The following PARP15 variants were observed in gnomAD, a reference collection of about 807,000 sequenced individuals.
The protein encoded by PARP15 is protein mono-ADP-ribosyltransferase PARP15.
In PARP15, 50 loss-of-function variants were observed where a neutral mutation model predicts 62.1. The observed-to-expected ratio is 0.81, with a 90% confidence interval of 0.64 to 1.02. The LOEUF (loss-of-function observed/expected upper bound fraction) is 1.02. Among genes scored for constraint, PARP15 ranks in the 50% least tolerant of loss-of-function variants. The probability of loss-of-function intolerance (pLI) is 0.00; values close to 1 mark genes in which losing one functional copy is unlikely to be tolerated. For synonymous variants in PARP15, 309 were observed against 293.1 expected (o/e 1.05, Z -0.55); for missense variants, 820 against 826.5 (o/e 0.99, Z 0.10).
intron 1 of PARP15, among the ~76,000 whole-genome samples, chr3:122,596,178 G>A (rs1224838254): frequency 6.6e-6 from 1 of 151,720 alleles, no homozygotes; most frequent in Admixed American, 6.6e-5. Flanking sequence ...CCAACATGGT[G>A]AAACCCGTCT....
chr3:122,628,849 T>C (rs1260664533), intron 9 of PARP15, among the ~76,000 whole-genome samples: 5 of 152,354 alleles, frequency 3.3e-5, no homozygotes, highest in Admixed American at 6.5e-5. Context: ...AAAGGAAGTT[T>C]GTTGGCTCAG....
At chr3:122,587,192 A>T (rs1390946090) in intron 1 of PARP15, among the ~76,000 whole-genome samples, 1 of 152,226 alleles carries the variant, frequency 6.6e-6, no homozygotes, top group Admixed American at 6.5e-5. Flanking sequence ...GTATCCATTC[A>T]CCTACTGCAG....
chr3:122,579,855 T>A (rs2080761372), intron 1 of PARP15, among the ~76,000 whole-genome samples: 1 of 151,242 alleles, frequency 6.6e-6, no homozygotes, highest in African/African-American at 2.4e-5. Flanking sequence ...GGCACACACC[T>A]GTAGTCCCAG....
Position 122,635,119 on chromosome 3 carries a change from T to A in PARP15, c.1672T>A (p.Phe558Ile), listed in dbSNP as rs762201050. The change falls in exon 11 of 12, where the codon TTC (phenylalanine) becomes ATC (isoleucine). Residue 558 changes from phenylalanine to isoleucine, a missense_variant. This residue lies in a region of PARP15 where 731 missense variants were observed against 727.7 expected (regional missense o/e 1.00). Transcript: ENST00000464300. ...CCATAAGAATAATGAGAGACTCCTCTTCCATGGGACAGATGCAGACTCAGT... is the reference window on the plus strand; with the variant it reads ...CCATAAGAATAATGAGAGACTCCTCATCCATGGGACAGATGCAGACTCAGT... ...NDHKNNERLL[F>I]HGTDADSVPY... 4 of 1,614,074 alleles carry A rather than the reference T, an allele frequency of 2.5e-6. No homozygotes were observed. Among genetic ancestry groups the A allele is most frequent in the Non-Finnish European group, 2.5e-6 (3 of 1,179,958 alleles).
chr3:122,592,906 A>G (rs1934036483), intron 1 of PARP15, among the ~76,000 whole-genome samples: 1 of 152,164 alleles, frequency 6.6e-6, no homozygotes, highest in South Asian at 2.1e-4. Flanking sequence ...CAAGAATTCA[A>G]AATCAAATCT....
chr3:122,616,025 C>T (rs537701218), intron 5 of PARP15, among the ~76,000 whole-genome samples, 168 bp downstream of exon 5: 10 of 152,282 alleles, frequency 6.6e-5, no homozygotes, highest in East Asian at 1.9e-4. Flanking sequence ...AAGAAGCAAT[C>T]GCATATTAAC....
chr3:122,621,693 C>T (rs1936360793), intron 8 of PARP15, 82 bp downstream of exon 8: 1 of 1,221,242 alleles, frequency 8.2e-7, no homozygotes, highest in South Asian at 2.2e-5. Context: ...CAGATCAGTG[C>T]TGAATCCATC....
chr3:122,627,295 G>C (rs1936796430), intron 9 of PARP15, among the ~76,000 whole-genome samples: 1 of 152,218 alleles, frequency 6.6e-6, no homozygotes, highest in African/African-American at 2.4e-5. Flanking sequence ...GAAGCAGAAA[G>C]AGGGGAGGAG....
intron 10 of PARP15, among the ~76,000 whole-genome samples, chr3:122,633,909 C>T (rs370320544): frequency 1.3e-5 from 2 of 152,236 alleles, no homozygotes; most frequent in African/African-American, 4.8e-5. Flanking sequence ...TGCTGCTGCT[C>T]TTAGATGAAA....
intron 1 of PARP15, among the ~76,000 whole-genome samples, chr3:122,598,721 T>C (rs34526983): frequency 0.084 from 12,815 of 152,170 alleles, 549 homozygotes; most frequent in Non-Finnish European, 0.1. Context: ...AAAGGCTCAA[T>C]GACCAGGAAG....
At chr3:122,600,091 A>G (rs1038274358) in intron 1 of PARP15, among the ~76,000 whole-genome samples, 1 of 152,240 alleles carries the variant, frequency 6.6e-6, no homozygotes, top group African/African-American at 2.4e-5. Context: ...CTTAGCAGAT[A>G]TAAGCACAAA....
chr3:122,594,716 A>G (rs1037429641), intron 1 of PARP15: 2 of 952,380 alleles, frequency 2.1e-6, no homozygotes, highest in Middle Eastern at 5.3e-4. Flanking sequence ...AAATAAAATT[A>G]CAATACCAAT....
chr3:122,601,788 T>A (rs1934816733), intron 1 of PARP15, among the ~76,000 whole-genome samples: 1 of 152,208 alleles, frequency 6.6e-6, no homozygotes, highest in South Asian at 2.1e-4. Flanking sequence ...TTTGGGTAAA[T>A]ACCAAGTCAT....
Position 122,577,907 on chromosome 3 carries a change from G to GC in PARP15, c.186+57dup, listed in dbSNP as rs2107788300. 2.0e-6 allele frequency: 3 copies of GC among 1,471,148 alleles called. No individual in the cohort carries two copies. The East Asian group carries it at 7.6e-5, about 37-fold the overall frequency. 91.1% of individuals were successfully genotyped at this position (1,471,148 alleles called of 1,614,324 possible). A position where few individuals can be genotyped will look rare whatever the true frequency, so the allele number is the denominator to read the frequency against. ...AGGGGACAGCAGGGCTGAGCCTGGG[G>GC]CCCGCAAGACCCAGCAGCCCGAGCG... On this transcript the variant is annotated intron_variant, in intron 1 of 11. Coordinates refer to ENST00000464300, the MANE Select transcript of PARP15 (RefSeq NM_001113523.3).
intron 1 of PARP15, among the ~76,000 whole-genome samples, chr3:122,586,720 AC>A (rs1430368806): frequency 7.3e-6 from 1 of 136,706 alleles, no homozygotes; most frequent in Non-Finnish European, 1.6e-5. Context: ...CTCACACCCC[AC>A]CCCCACACAA....
chr3:122,625,435 G>A (rs935522528), intron 8 of PARP15, among the ~76,000 whole-genome samples: 5 of 152,074 alleles, frequency 3.3e-5, no homozygotes, highest in African/African-American at 9.7e-5. Context: ...TGTATTTTTA[G>A]TGGTGGCAGG....
chr3:122,619,052 A>T (rs544151168), intron 6 of PARP15, among the ~76,000 whole-genome samples: 1 of 152,242 alleles, frequency 6.6e-6, no homozygotes, highest in African/African-American at 2.4e-5. Flanking sequence ...AGATATCTTC[A>T]TAATGATAAA....
At chr3:122,608,957 G>A (rs1382808636) in intron 2 of PARP15, among the ~76,000 whole-genome samples, 1 of 151,712 alleles carries the variant, frequency 6.6e-6, no homozygotes, top group Admixed American at 6.6e-5. Context: ...GTCTCACTGT[G>A]TTGCTCAGGC....
At chr3:122,634,620 T>A (rs1295698820) in intron 10 of PARP15, among the ~76,000 whole-genome samples, 1 of 152,216 alleles carries the variant, frequency 6.6e-6, no homozygotes, top group African/African-American at 2.4e-5. Context: ...AGAAGCCACA[T>A]GGAATGAGTT....
Sources: allele counts gnomAD v4.1 joint callset (sites outside exome capture counted in the v4.1 genomes callset), GRCh38; gene constraint gnomAD v4.1.1; regional missense constraint gnomAD v4.1.1; transcripts MANE v1.5; gene names NCBI Gene and HGNC (gene_info 2026-07-23, HGNC 2026-07-21).